Variants in NEGR1 observed in about 807,000 individuals in gnomAD.
The protein encoded by NEGR1 is IgLON family member 4.
A neutral mutation model predicts 40.9 loss-of-function variants in NEGR1; 10 were observed. That is an observed-to-expected ratio of 0.24 (90% CI 0.15 to 0.42). The LOEUF (loss-of-function observed/expected upper bound fraction) is 0.42. Ranked by LOEUF, NEGR1 falls within the 10% of genes least tolerant of loss-of-function variation. NEGR1 has a pLI of 1.00. For missense variants in NEGR1, 352 were observed against 438.9 expected (o/e 0.80, Z 1.77); for synonymous variants, 185 against 166.8 (o/e 1.11, Z -0.84).
intron 6 of NEGR1, among the ~76,000 whole-genome samples, chr1:71,473,719 CT>C (rs34355452): frequency 1.3e-5 from 2 of 152,054 alleles, no homozygotes; most frequent in Non-Finnish European, 2.9e-5. Context: ...CGGGGCATGG[CT>C]TTTTGGAGAA....
rs1272434198 is a variant in NEGR1 at position 71,399,681 on chromosome 1, A to G, written c.*7765T>C. On this transcript the variant is annotated 3_prime_UTR_variant, in exon 7 of 7. Coordinates refer to ENST00000357731, the MANE Select transcript of NEGR1 (RefSeq NM_173808.3). ...TTGTTTTGAAAAAGACATCAGCTTGAAGCAGTTTCAAATCTCTGGCAATGA... is the reference window on the plus strand; with the variant it reads ...TTGTTTTGAAAAAGACATCAGCTTGGAGCAGTTTCAAATCTCTGGCAATGA... 6.6e-6 allele frequency: 1 copy of G among 152,188 alleles called. No homozygotes were observed. The highest frequency in any genetic ancestry group is 2.4e-5 in the African/African-American group (1 of 41,444). 9.4% of individuals were successfully genotyped at this position (152,188 alleles called of 1,614,324 possible).
intron 2 of NEGR1, among the ~76,000 whole-genome samples, chr1:71,897,390 T>C (rs760683495): frequency 1.4e-4 from 22 of 152,294 alleles, no homozygotes; most frequent in Non-Finnish European, 2.6e-4. Context: ...GCTAGTTAGT[T>C]ACCTATCCCT....
chr1:71,656,629 T>C (rs1651887724), intron 4 of NEGR1, among the ~76,000 whole-genome samples: 1 of 152,130 alleles, frequency 6.6e-6, no homozygotes, highest in South Asian at 2.1e-4. Flanking sequence ...CTCGATCTCC[T>C]GACCTCGTGA....
intron 1 of NEGR1, among the ~76,000 whole-genome samples, chr1:72,242,016 AAAG>A (rs1414881170): frequency 2.6e-5 from 4 of 151,202 alleles, no homozygotes; most frequent in Admixed American, 1.3e-4. Context: ...CCCAAAAGAC[AAAG>A]AAGGATGGAA....
intron 2 of NEGR1, among the ~76,000 whole-genome samples, chr1:71,828,480 G>A (rs1353272612): frequency 6.6e-6 from 1 of 151,806 alleles, no homozygotes; most frequent in Non-Finnish European, 1.5e-5. Flanking sequence ...TTGACCTTTT[G>A]TTTTTCTCCC....
intron 2 of NEGR1, among the ~76,000 whole-genome samples, chr1:71,830,993 A>G (rs1658821976): frequency 6.6e-6 from 1 of 151,956 alleles, no homozygotes; most frequent in Non-Finnish European, 1.5e-5. Flanking sequence ...GAATATGTTA[A>G]ACTGTTAGAT....
At chr1:72,236,845 G>A (rs1654564695) in intron 1 of NEGR1, among the ~76,000 whole-genome samples, 1 of 151,862 alleles carries the variant, frequency 6.6e-6, no homozygotes. Context: ...TTTCTGTTAG[G>A]CAGATAGAGC....
intron 1 of NEGR1, among the ~76,000 whole-genome samples, chr1:72,238,739 T>G (rs1480788832): frequency 6.6e-6 from 1 of 151,842 alleles, no homozygotes; most frequent in Non-Finnish European, 1.5e-5. Context: ...CTCATGGGCT[T>G]CTCCTCCCAC....
intron 1 of NEGR1, among the ~76,000 whole-genome samples, chr1:72,212,890 A>T (rs1348973779): frequency 6.6e-6 from 1 of 151,880 alleles, no homozygotes; most frequent in East Asian, 1.9e-4. Flanking sequence ...TAAACAGGAG[A>T]TCACCCTATG....
intron 1 of NEGR1, among the ~76,000 whole-genome samples, chr1:72,076,529 A>C (rs2100519189): frequency 7.6e-6 from 1 of 130,864 alleles, no homozygotes; most frequent in African/African-American, 2.8e-5. Context: ...TGCCTCACCA[A>C]CCTCATTCTC....
At chr1:71,666,566 A>G (rs967548119) in intron 4 of NEGR1, among the ~76,000 whole-genome samples, 2 of 152,214 alleles carry the variant, frequency 1.3e-5, no homozygotes, top group Non-Finnish European at 2.9e-5. Flanking sequence ...TTTCACAAAC[A>G]TATGTACCAT....
At chr1:72,199,495 G>A (rs564842982) in intron 1 of NEGR1, among the ~76,000 whole-genome samples, 5 of 151,996 alleles carry the variant, frequency 3.3e-5, no homozygotes, top group South Asian at 4.1e-4. Context: ...CTTCAAATTC[G>A]CAGGTTTCCT....
intron 6 of NEGR1, among the ~76,000 whole-genome samples, chr1:71,562,062 C>A (rs1297448074): frequency 6.6e-6 from 1 of 151,132 alleles, no homozygotes; most frequent in Non-Finnish European, 1.5e-5. Context: ...CATGAAGATC[C>A]GCTAATAATG....
rs538230075 is a variant in NEGR1, at chr1:71,434,867, G to A, written c.941-27297C>T. 2.4e-3 allele frequency among the ~76,000 whole-genome samples: 370 copies of A among 152,268 alleles called. 3 individuals are homozygous for A. Among genetic ancestry groups the A allele is most frequent in the South Asian group, 0.017 (80 of 4,818 alleles). ...AGCACTTTGGGAGGCCAAGGCGGGC[G>A]GATCACGAGGTCAGGAGATCAAGAC... is the stretch of plus-strand genomic sequence containing the variant. On this transcript the variant is annotated intron_variant, in intron 6 of 6. Transcript: ENST00000357731.
At chr1:72,099,600 A>G (rs533063319) in intron 1 of NEGR1, among the ~76,000 whole-genome samples, 2 of 152,128 alleles carry the variant, frequency 1.3e-5, no homozygotes, top group Non-Finnish European at 2.9e-5. Flanking sequence ...TGGTCCTGGT[A>G]AGTAGACTTG....
chr1:71,766,806 C>T (rs959233116), intron 3 of NEGR1, among the ~76,000 whole-genome samples: 2 of 152,064 alleles, frequency 1.3e-5, no homozygotes, highest in African/African-American at 4.8e-5. Flanking sequence ...GAGCACTATC[C>T]CTTTAGTGCT....
intron 1 of NEGR1, among the ~76,000 whole-genome samples, chr1:72,026,729 G>A (rs992285657): frequency 6.6e-6 from 1 of 151,860 alleles, no homozygotes; most frequent in Admixed American, 6.6e-5. Context: ...CATTGACTTG[G>A]TTTATGCTGT....
At chr1:72,278,148 T>C (rs556278394) in intron 1 of NEGR1, among the ~76,000 whole-genome samples, 2 of 152,134 alleles carry the variant, frequency 1.3e-5, no homozygotes, top group Non-Finnish European at 2.9e-5. Context: ...AGTATCATAG[T>C]AGGATATCAC....
At chr1:71,588,823 A>G (rs1216283321) in intron 6 of NEGR1, among the ~76,000 whole-genome samples, 6 of 152,164 alleles carry the variant, frequency 3.9e-5, no homozygotes, top group Non-Finnish European at 8.8e-5. Flanking sequence ...TTGCAAGTTC[A>G]CTATAGTATA....
Sources: gnomAD v4.1 joint callset for allele counts (sites outside exome capture counted in the v4.1 genomes callset) on GRCh38, gnomAD v4.1.1 for gene constraint, MANE v1.5 for transcripts, NCBI Gene and HGNC (gene_info 2026-07-23, HGNC 2026-07-21) for gene names.